Variants in NRG1 observed in about 807,000 individuals in gnomAD.
NRG1 encodes neuregulin 1.
Under a neutral mutation model 63.8 loss-of-function variants are expected in NRG1, and 18 were observed. The ratio of observed to expected loss-of-function variants is 0.28; its 90% CI spans 0.19 to 0.42. NRG1 has a LOEUF of 0.42. Among genes scored for constraint, NRG1 ranks in the 10% least tolerant of loss-of-function variants. NRG1 has a pLI of 1.00. For missense variants in NRG1, 762 were observed against 814.7 expected, an observed-to-expected ratio of 0.94 and a Z score of 0.79; for synonymous variants, 302 against 301.3, an observed-to-expected ratio of 1.00 and a Z score of -0.02.
chr8:32,095,190 G>A (rs1035758117), intron 1 of NRG1, among the ~76,000 whole-genome samples: 5 of 152,160 alleles, frequency 3.3e-5, no homozygotes, highest in South Asian at 2.1e-4. Context: ...GATTACAGGC[G>A]TGAGCCTCTG....
rs1242768646 is a variant in NRG1 at position 32,616,878 on chromosome 8, T to C, written c.495T>C (p.Thr165=). 4.4e-6 allele frequency: 7 copies of C among 1,592,704 alleles called. No individual in the cohort carries two copies. In the African/African-American group the frequency reaches 9.4e-5, roughly 21 times the overall value. ...CAGTATCCACAGAAGGAGCAAATAC[T>C]TCTTCATGTAAGTATACTTAAATAT... The change falls in exon 5 of 12, where the codon ACT becomes ACC. Residue 165 remains threonine, a synonymous_variant. Transcript: ENST00000356819.
intron 1 of NRG1, among the ~76,000 whole-genome samples, chr8:32,485,367 A>G (rs1481917721): frequency 2.1e-5 from 3 of 145,580 alleles, no homozygotes; most frequent in East Asian, 4.3e-4. Context: ...CGGCCTCCCA[A>G]AGTGCTGGGA....
chr8:31,750,460 T>C (rs1816338212), intron 1 of NRG1, among the ~76,000 whole-genome samples: 1 of 151,966 alleles, frequency 6.6e-6, no homozygotes. Flanking sequence ...TCTAATTTCC[T>C]GTCCAAGGTG....
chr8:31,813,516 CTT>C (rs377718067), intron 1 of NRG1, among the ~76,000 whole-genome samples: 2 of 101,210 alleles, frequency 2.0e-5, no homozygotes, highest in African/African-American at 3.7e-5. Flanking sequence ...CTTTTCTTTT[CTT>C]TTTTTTTTTT....
At chr8:32,330,499 A>G (rs1207158958) in intron 1 of NRG1, among the ~76,000 whole-genome samples, 5 of 152,166 alleles carry the variant, frequency 3.3e-5, no homozygotes, top group Non-Finnish European at 5.9e-5. Context: ...AGGAAGATGG[A>G]CTGGAATTCA....
chr8:31,903,209 C>A (rs144847516), intron 1 of NRG1, among the ~76,000 whole-genome samples: 1 of 139,780 alleles, frequency 7.2e-6, no homozygotes. Context: ...AGTGCAGTGG[C>A]GCAATCTCGG....
intron 1 of NRG1, among the ~76,000 whole-genome samples, chr8:32,398,444 T>C (rs1742846720): frequency 1.3e-5 from 2 of 150,564 alleles, no homozygotes; most frequent in Admixed American, 1.3e-4. Context: ...CAGGTCTCAC[T>C]CTGTTACCCA....
chr8:32,727,097 C>A (rs571701074), intron 5 of NRG1, among the ~76,000 whole-genome samples: 1 of 152,056 alleles, frequency 6.6e-6, no homozygotes, highest in East Asian at 1.9e-4. Flanking sequence ...GTACTAAATG[C>A]CCTGGTGGCC....
Position 32,469,842 on chromosome 8 carries a change from T to G in NRG1, c.38-125986T>G, listed in dbSNP as rs191154730. Among the ~76,000 whole-genome samples the G allele has an allele frequency of 7.2e-5, 11 of 152,184 alleles. No homozygotes were observed. The East Asian group carries it at 1.7e-3, about 24-fold the overall frequency. On this transcript the variant is annotated intron_variant, in intron 1 of 10. Coordinates refer to the NRG1 transcript ENST00000519301. ...ATTGGGAAATGTTTAATCCACTTGG[T>G]GTGGGAAAAGGACTTTTTTGTTTGT...
intron 5 of NRG1, among the ~76,000 whole-genome samples, chr8:32,675,850 T>C (rs1440596589): frequency 2.6e-5 from 4 of 152,198 alleles, no homozygotes; most frequent in Non-Finnish European, 5.9e-5. Context: ...AACACATACT[T>C]TTTTGTATGT....
At chr8:32,537,652 G>A (rs1204343339) in intron 1 of NRG1, among the ~76,000 whole-genome samples, 2 of 152,136 alleles carry the variant, frequency 1.3e-5, no homozygotes, top group Non-Finnish European at 2.9e-5. Flanking sequence ...CATTTTCTTA[G>A]TGCCTATGCA....
rs542709672 is a variant in NRG1, at chr8:32,679,391, A to G, written c.503-48558A>G. Among the ~76,000 whole-genome samples, 17 of 152,276 alleles carry G rather than the reference A, an allele frequency of 1.1e-4. 1 individual carries two copies. In the South Asian group the frequency reaches 2.1e-3, roughly 19 times the overall value. On this transcript the variant is annotated intron_variant, in intron 5 of 11. Transcript: ENST00000356819. ...TATAAATGAAATGCAGCTTTTGCAA[A>G]TTGAAAATCATGATAATAGAAGTCT...
At chr8:32,682,091 A>G (rs1156898365) in intron 5 of NRG1, among the ~76,000 whole-genome samples, 3 of 152,196 alleles carry the variant, frequency 2.0e-5, no homozygotes, top group African/African-American at 7.2e-5. Context: ...CAATAAATCA[A>G]TTACAGGTAA....
intron 1 of NRG1, among the ~76,000 whole-genome samples, chr8:31,895,408 T>C (rs1351239269): frequency 1.3e-5 from 2 of 152,268 alleles, no homozygotes; most frequent in Non-Finnish European, 2.9e-5. Context: ...ATACTCTATC[T>C]GTTGGTTTTC....
intron 1 of NRG1, among the ~76,000 whole-genome samples, chr8:32,243,806 C>A (rs1024928935): frequency 7.2e-5 from 11 of 152,006 alleles, no homozygotes; most frequent in African/African-American, 2.7e-4. Context: ...GGAATTAGCA[C>A]CCTTATAAGA....
In NRG1 at chr8:31,640,941, C is replaced by T. The variant is rs1803707498; in HGVS notation, c.37+1510C>T. Among the ~76,000 whole-genome samples, 1 of 152,174 alleles carries T rather than the reference C, an allele frequency of 6.6e-6. No individual in the cohort carries two copies. Among genetic ancestry groups the T allele is most frequent in the Non-Finnish European group, 1.5e-5 (1 of 68,032 alleles). Reference sequence around the variant, plus strand: ...TCTTAGGCTTTGCCACTGGAGAAAGCCCAAGTTTAGTCCTGGGTTGGGGCC... The same window carrying T: ...TCTTAGGCTTTGCCACTGGAGAAAGTCCAAGTTTAGTCCTGGGTTGGGGCC... On this transcript the variant is annotated intron_variant, in intron 1 of 10. Coordinates refer to the NRG1 transcript ENST00000519301. This position sits in a 1 kb window ranked among gnomAD's most constrained non-coding sequence, Gnocchi z 6.3.
chr8:32,739,966 T>G (rs539332644), intron 6 of NRG1, among the ~76,000 whole-genome samples: 1 of 152,296 alleles, frequency 6.6e-6, no homozygotes, highest in East Asian at 1.9e-4. Context: ...GAATACATCA[T>G]TAATTCTGGA....
intron 5 of NRG1, among the ~76,000 whole-genome samples, chr8:32,629,244 A>G (rs903804864): frequency 1.5e-4 from 23 of 152,172 alleles, no homozygotes; most frequent in South Asian, 4.1e-4. Flanking sequence ...ATGTTAGACT[A>G]TCTTCTAGTC....
At chr8:31,824,553 T>G (rs1824350110) in intron 1 of NRG1, among the ~76,000 whole-genome samples, 2 of 152,376 alleles carry the variant, frequency 1.3e-5, no homozygotes, top group South Asian at 4.1e-4. Context: ...ACTTCTGGGT[T>G]GGCTGAGATC....
Sources: gnomAD v4.1 joint callset for allele counts (sites outside exome capture counted in the v4.1 genomes callset) on GRCh38, gnomAD v4.1.1 for gene constraint, Gnocchi (gnomAD v3.1) non-coding constraint, MANE v1.5 for transcripts, NCBI Gene and HGNC (gene_info 2026-07-23, HGNC 2026-07-21) for gene names.